STIM1: variants seen among roughly 807,000 people sequenced by gnomAD.
The protein encoded by STIM1 is stromal interaction molecule 1.
Under a neutral mutation model 74.7 loss-of-function variants are expected in STIM1, and 25 were observed. The observed-to-expected ratio is 0.33, with a 90% CI of 0.24 to 0.47. The LOEUF is 0.47. STIM1 is among the 20% of genes least tolerant of loss of function. The pLI is 1.00. For missense variants in STIM1, 728 were observed against 920.8 expected (o/e 0.79, Z 2.71); for synonymous variants, 328 against 348.8 (o/e 0.94, Z 0.66).
rs138931039 is a variant in STIM1, at chr11:3,980,849, C to T, written c.270+13167C>T. On this transcript the variant is annotated intron_variant, in intron 2 of 12. Transcript: ENST00000526596. Reference sequence around the variant, plus strand: ...TGTTTAGTAGCATTCCTAGCCTCTACATACTGGATGCCAGTAGCAAACCTT... The same window carrying T: ...TGTTTAGTAGCATTCCTAGCCTCTATATACTGGATGCCAGTAGCAAACCTT... Among the ~76,000 whole-genome samples the T allele has an allele frequency of 8.2e-4, 125 of 152,266 alleles. 1 individual carries two copies. The highest frequency in any genetic ancestry group is 2.9e-3 in the African/African-American group (120 of 41,550).
In STIM1 at chr11:3,855,726, C is replaced by A. The variant is rs1227660531; in HGVS notation, c.-545C>A. 6.5e-6 allele frequency: 1 copy of A among 152,842 alleles called. No individual in the cohort carries two copies. The highest frequency in any genetic ancestry group is 1.5e-5 in the Non-Finnish European group (1 of 68,502). 9.5% of individuals were successfully genotyped at this position (152,842 alleles called of 1,614,324 possible). On this transcript the variant is annotated 5_prime_UTR_variant, in exon 1 of 13. Transcript: ENST00000526596. The stretch of plus-strand genomic sequence containing the variant: ...TGCTGGACCTGGGCACCGCCAGCCG[C>A]CTGGGCACGGGACTGGGCGGGGGCG...
chr11:4,080,160 C>A (rs1407979361), intron 7 of STIM1, among the ~76,000 whole-genome samples: 1 of 152,114 alleles, frequency 6.6e-6, no homozygotes, highest in African/African-American at 2.4e-5. Context: ...GAGGGAGGAT[C>A]ACTTGAGCCC....
intron 1 of STIM1, chr11:3,892,975 G>T: frequency 2.5e-6 from 2 of 814,946 alleles, no homozygotes; most frequent in Non-Finnish European, 3.9e-6. Flanking sequence ...TTGCCATGTT[G>T]CCCAGGCTGG....
At chr11:3,890,157 C>G (rs1311665119) in intron 1 of STIM1, among the ~76,000 whole-genome samples, 4 of 152,120 alleles carry the variant, frequency 2.6e-5, no homozygotes, top group African/African-American at 9.7e-5. Flanking sequence ...AGATATCTGA[C>G]CTAGGCCATC....
At chr11:4,021,709 T>A (rs1304191509) in intron 2 of STIM1, among the ~76,000 whole-genome samples, 1 of 152,214 alleles carries the variant, frequency 6.6e-6, no homozygotes, top group Non-Finnish European at 1.5e-5. Flanking sequence ...TTTTTTCTAT[T>A]TCTGTCAAGA....
intron 1 of STIM1, among the ~76,000 whole-genome samples, chr11:3,959,309 A>T (rs1017501318): frequency 2.0e-5 from 3 of 152,214 alleles, no homozygotes; most frequent in Admixed American, 6.5e-5. Flanking sequence ...CGAGAAACAG[A>T]AAGTGGTTGG....
chr11:3,913,922 C>T (rs1013970877), intron 1 of STIM1, among the ~76,000 whole-genome samples: 6 of 152,102 alleles, frequency 3.9e-5, no homozygotes, highest in Non-Finnish European at 5.9e-5. Flanking sequence ...GCTTAATCTA[C>T]GTTGTAACGT....
chr11:3,986,757 A>G (rs962372600), intron 2 of STIM1, among the ~76,000 whole-genome samples: 9 of 152,228 alleles, frequency 5.9e-5, no homozygotes, highest in African/African-American at 2.2e-4. Flanking sequence ...TAGTTATTTC[A>G]TCTATGAGAT....
At chr11:4,090,127 C>T (rs1277418190) in intron 12 of STIM1, among the ~76,000 whole-genome samples, 2 of 152,144 alleles carry the variant, frequency 1.3e-5, no homozygotes, top group Non-Finnish European at 2.9e-5. Context: ...GCGACCGGCC[C>T]GTACATAGGC....
intron 1 of STIM1, among the ~76,000 whole-genome samples, chr11:3,889,838 T>C (rs1051530125): frequency 1.3e-5 from 2 of 152,114 alleles, no homozygotes; most frequent in African/African-American, 4.8e-5. Flanking sequence ...GCTGAAAATA[T>C]AGATAAGGAT....
chr11:3,983,423 G>A (rs1335069351), intron 2 of STIM1, among the ~76,000 whole-genome samples: 2 of 152,072 alleles, frequency 1.3e-5, no homozygotes, highest in Non-Finnish European at 2.9e-5. Flanking sequence ...CTCTTTTGGA[G>A]AATTTCTCCC....
rs547491475 is a variant in STIM1 at position 4,062,043 on chromosome 11, A to G, written c.613+2647A>G. ...AATTTTACTGTAGAGTGATGGAAAT[A>G]TTTTGGAACTAGATAGAGGTAGTGG... On this transcript the variant is annotated intron_variant, in intron 5 of 12. Transcript: ENST00000526596. Among the ~76,000 whole-genome samples, 99 of 152,312 alleles carry G rather than the reference A, an allele frequency of 6.5e-4. 1 individual carries two copies. Among genetic ancestry groups the G allele is most frequent in the African/African-American group, 2.3e-3 (97 of 41,566 alleles).
chr11:3,895,943 T>A (rs1353118815), intron 1 of STIM1, among the ~76,000 whole-genome samples: 1 of 148,456 alleles, frequency 6.7e-6, no homozygotes, highest in Non-Finnish European at 1.5e-5. Context: ...CTTGCTCTGT[T>A]GCCCAGGCTG....
chr11:3,895,710 CTTT>C (rs2092098966), intron 1 of STIM1, among the ~76,000 whole-genome samples: 1 of 29,538 alleles, frequency 3.4e-5, no homozygotes, highest in African/African-American at 2.1e-4. Flanking sequence ...TTCTTTCTTT[CTTT>C]CTTTCTTTCT....
At chr11:4,007,132 T>C (rs527841012) in intron 2 of STIM1, among the ~76,000 whole-genome samples, 4 of 152,284 alleles carry the variant, frequency 2.6e-5, no homozygotes, top group African/African-American at 9.6e-5. Flanking sequence ...ATCATTTTTC[T>C]GGGCGCATGG....
intron 2 of STIM1, among the ~76,000 whole-genome samples, chr11:4,020,928 CTAGT>C (rs1359458576): frequency 6.6e-6 from 1 of 151,960 alleles, no homozygotes; most frequent in East Asian, 1.9e-4. Flanking sequence ...TGAGAAATGT[CTAGT>C]TAGATCTTTC....
At chr11:3,915,803 C>T (rs1308925017) in intron 1 of STIM1, among the ~76,000 whole-genome samples, 1 of 152,126 alleles carries the variant, frequency 6.6e-6, no homozygotes, top group East Asian at 1.9e-4. Flanking sequence ...CATGTGTAAT[C>T]CCAGAACTTT....
chr11:3,967,561 G>T lies in STIM1; in HGVS notation c.149G>T (p.Arg50Leu). ...TGCTTTTCTTACACAGAGTTTTGCC[G>T]AATTGACAAGCCCCTGTGTCACAGT... Reference protein sequence around the residue: ...SEESTAAEFCRIDKPLCHSED... With the variant: ...SEESTAAEFCLIDKPLCHSED... The change falls in exon 2 of 13, where the codon CGA becomes CTA. Residue 50 changes from arginine (R) to leucine (L), a missense_variant. Coordinates refer to ENST00000526596, the MANE Select transcript of STIM1 (RefSeq NM_001382567.1). 6.2e-7 allele frequency: 1 copy of T among 1,614,126 alleles called. No individual in the cohort carries two copies. The highest frequency in any genetic ancestry group is 8.5e-7 in the Non-Finnish European group (1 of 1,180,012).
At chr11:4,088,402 G>T (rs1029129664) in intron 12 of STIM1, among the ~76,000 whole-genome samples, 10 of 152,152 alleles carry the variant, frequency 6.6e-5, no homozygotes, top group Non-Finnish European at 1.3e-4. Flanking sequence ...TAAACCTCTG[G>T]ATAGTTATGC....
Sources: allele counts gnomAD v4.1 joint callset (sites outside exome capture counted in the v4.1 genomes callset), GRCh38; gene constraint gnomAD v4.1.1; transcripts MANE v1.5; gene names NCBI Gene and HGNC (gene_info 2026-07-23, HGNC 2026-07-21).